Variants in NBEA observed in about 807,000 individuals in gnomAD.
NBEA encodes the protein lysosomal-trafficking regulator 2.
A neutral mutation model predicts 343.4 loss-of-function variants in NBEA; 44 were observed. That is an observed-to-expected ratio of 0.13 (90% CI 0.10 to 0.16). The LOEUF (loss-of-function observed/expected upper bound fraction) is 0.16. Ranked by LOEUF, NBEA falls within the 10% of genes least tolerant of loss-of-function variation. The probability of loss-of-function intolerance (pLI) is 1.00; values close to 1 mark genes in which losing one functional copy is unlikely to be tolerated. For synonymous variants in NBEA, 1,175 were observed against 1,238.7 expected, an observed-to-expected ratio of 0.95 and a Z score of 1.08; for missense variants, 2,555 against 3,631.3, an observed-to-expected ratio of 0.70 and a Z score of 7.62.
chr13:35,659,535 T>A (rs2084971017), intron 55 of NBEA, among the ~76,000 whole-genome samples: 1 of 152,172 alleles, frequency 6.6e-6, no homozygotes, highest in African/African-American at 2.4e-5. Context: ...TCAAATATAT[T>A]GTGAAGAATG....
rs563714158 is a variant in NBEA, at chr13:35,110,544, A to G, written c.1834-266A>G. On this transcript the variant is annotated intron_variant, in intron 12 of 58. Transcript: ENST00000379939. ...TAATCTTTTTATCAGATTAATTTCA[A>G]TAAATTATTAAATCATTTTAAAATT... Among the ~76,000 whole-genome samples, 27 of 152,256 alleles carry G rather than the reference A, an allele frequency of 1.8e-4. No individual in the cohort carries two copies. In the South Asian group the frequency reaches 5.6e-3, roughly 31 times the overall value.
chr13:35,376,870 A>T (rs555242180), intron 38 of NBEA, among the ~76,000 whole-genome samples: 1 of 152,162 alleles, frequency 6.6e-6, no homozygotes, highest in Admixed American at 6.5e-5. Flanking sequence ...CCGGTTGACC[A>T]TGTGGTACCC....
At chr13:35,372,226 G>A (rs959905197) in intron 38 of NBEA, among the ~76,000 whole-genome samples, 27 of 152,268 alleles carry the variant, frequency 1.8e-4, no homozygotes, top group Non-Finnish European at 3.2e-4. Flanking sequence ...ACAACCCTCC[G>A]GCTCCCAAGT....
intron 1 of NBEA, among the ~76,000 whole-genome samples, chr13:34,984,651 C>T (rs142532804): frequency 0.017 from 2,546 of 150,996 alleles, 147 homozygotes; most frequent in South Asian, 0.077. Flanking sequence ...GCCATTTTCA[C>T]GATATTGATT....
At chr13:35,348,630 A>G (rs1053261380) in intron 36 of NBEA, among the ~76,000 whole-genome samples, 2 of 152,084 alleles carry the variant, frequency 1.3e-5, no homozygotes, top group African/African-American at 2.4e-5. Flanking sequence ...TTAAAGTAAG[A>G]ATCTACATGG....
intron 49 of NBEA, among the ~76,000 whole-genome samples, chr13:35,640,483 A>G (rs1426242025): frequency 6.6e-6 from 1 of 152,226 alleles, no homozygotes; most frequent in African/African-American, 2.4e-5. Flanking sequence ...CAGGGCATAA[A>G]CAGCATACCC....
chr13:35,554,771 T>G (rs1312557980), intron 43 of NBEA, among the ~76,000 whole-genome samples: 3 of 152,330 alleles, frequency 2.0e-5, no homozygotes, highest in African/African-American at 7.2e-5. Context: ...TGCTTTCAAA[T>G]TGTTTTATCC....
intron 36 of NBEA, among the ~76,000 whole-genome samples, chr13:35,313,915 A>G (rs1352961902): frequency 1.3e-5 from 2 of 152,182 alleles, no homozygotes; most frequent in Non-Finnish European, 2.9e-5. Flanking sequence ...CTGTAGGTGA[A>G]TAAGGTTTAA....
intron 36 of NBEA, among the ~76,000 whole-genome samples, chr13:35,312,379 G>A (rs182118355): frequency 6.6e-5 from 10 of 152,262 alleles, no homozygotes; most frequent in African/African-American, 2.4e-4. Context: ...ATTGGCAGAG[G>A]GAATTGTATA....
chr13:35,159,175 G>T lies in NBEA; in HGVS notation c.3004G>T (p.Glu1002Ter). Residue 1002 changes from glutamate to a stop codon, truncating the protein, a stop_gained, in exon 22 of 59, where the codon GAG (glutamate) becomes TAG (stop). Coordinates refer to ENST00000379939, the MANE Select transcript of NBEA (RefSeq NM_001385012.1). LOFTEE classifies it high-confidence loss of function. Reference protein sequence around the residue: ...TGAKGGMEIREIEDLSQSQSP... With the variant: ...TGAKGGMEIR ...AGCAAAAGGTGGAATGGAAATTCGA[G>T]AGATAGAAGATCTTTCACAAAGCCA... 1 of 1,613,516 alleles carries T rather than the reference G, an allele frequency of 6.2e-7. No homozygotes were observed. The highest frequency in any genetic ancestry group is 8.5e-7 in the Non-Finnish European group (1 of 1,179,594).
intron 41 of NBEA, among the ~76,000 whole-genome samples, chr13:35,495,028 G>GA (rs1041611260): frequency 2.7e-5 from 4 of 149,944 alleles, no homozygotes; most frequent in South Asian, 2.1e-4. Flanking sequence ...GAAAAGAAAA[G>GA]AAAAAAAAAT....
intron 48 of NBEA, among the ~76,000 whole-genome samples, chr13:35,620,086 T>G (rs2082914531): frequency 1.3e-5 from 2 of 152,164 alleles, no homozygotes; most frequent in Non-Finnish European, 2.9e-5. Context: ...ACAGTCCCAG[T>G]AAACACTGAT....
chr13:35,128,107 G>A, intron 17 of NBEA, among the ~76,000 whole-genome samples: 1 of 111,912 alleles, frequency 8.9e-6, no homozygotes. Flanking sequence ...AGGGGGGAGG[G>A]ATGGCATTGG....
intron 8 of NBEA, among the ~76,000 whole-genome samples, chr13:35,059,601 TCTTG>T (rs2063390761): frequency 6.6e-6 from 1 of 151,846 alleles, no homozygotes; most frequent in Admixed American, 6.6e-5. Flanking sequence ...GGAGTACTTG[TCTTG>T]TATGGAAGTG....
In NBEA at chr13:35,056,026, T is replaced by C. The variant is rs2063246069; in HGVS notation, c.989T>C (p.Ile330Thr). 2 of 1,601,806 alleles carry C rather than the reference T, an allele frequency of 1.2e-6. No homozygotes were observed. The highest frequency in any genetic ancestry group is 1.7e-6 in the Non-Finnish European group (2 of 1,173,324). Residue 330 changes from isoleucine to threonine, a missense_variant, in exon 7 of 59, where the codon ATT becomes ACT. Transcript: ENST00000379939. ...TTATTTAAGTGGTACATGATCAGCA[T>C]TGTCCACATTTACAATCGATGGAGG... Reference protein sequence around the residue: ...FQPRKWYMISIVHIYNRWRNS... With the variant: ...FQPRKWYMISTVHIYNRWRNS...
chr13:35,559,770 G>T (rs1164542696), intron 44 of NBEA, among the ~76,000 whole-genome samples: 1 of 151,798 alleles, frequency 6.6e-6, no homozygotes, highest in African/African-American at 2.4e-5. Flanking sequence ...AAAAAAATTA[G>T]CTGGGCGTGG....
At chr13:35,051,348 G>C (rs1332583425) in intron 6 of NBEA, among the ~76,000 whole-genome samples, 1 of 151,778 alleles carries the variant, frequency 6.6e-6, no homozygotes, top group African/African-American at 2.4e-5. Flanking sequence ...AATGTGGTGA[G>C]GGGGAGATCT....
intron 8 of NBEA, among the ~76,000 whole-genome samples, chr13:35,065,545 A>G (rs1373557555): frequency 6.6e-6 from 1 of 151,814 alleles, no homozygotes; most frequent in Non-Finnish European, 1.5e-5. Flanking sequence ...AATTTCTTCT[A>G]TTTCCTTGCT....
At chr13:35,315,083 A>G (rs1429105426) in intron 36 of NBEA, among the ~76,000 whole-genome samples, 2 of 152,216 alleles carry the variant, frequency 1.3e-5, no homozygotes, top group Non-Finnish European at 2.9e-5. Context: ...TAACATTTTT[A>G]CAACTTTTTC....
Sources: allele counts gnomAD v4.1 joint callset (sites outside exome capture counted in the v4.1 genomes callset), GRCh38; gene constraint gnomAD v4.1.1; transcripts MANE v1.5; gene names NCBI Gene and HGNC (gene_info 2026-07-23, HGNC 2026-07-21).